CLASP1: variants seen among roughly 807,000 people sequenced by gnomAD.
The protein encoded by CLASP1 is cytoplasmic linker associated protein 1, also known as CLIP-associating protein 1.
Under a neutral mutation model 192.3 loss-of-function variants are expected in CLASP1, and 38 were observed. That is an observed-to-expected ratio of 0.20 (90% CI 0.15 to 0.26). The LOEUF is 0.26. Ranked by LOEUF, CLASP1 falls within the 10% of genes least tolerant of loss-of-function variation. The pLI, the probability that CLASP1 is intolerant of heterozygous loss-of-function variation, is 1.00. For synonymous variants in CLASP1, 691 were observed against 712.8 expected, an observed-to-expected ratio of 0.97 and a Z score of 0.49; for missense variants, 1,433 against 1,932.5, an observed-to-expected ratio of 0.74 and a Z score of 4.85.
intron 2 of CLASP1, among the ~76,000 whole-genome samples, chr2:121,554,050 TAA>T (rs74454324): frequency 2.9e-5 from 4 of 139,384 alleles, no homozygotes; most frequent in Admixed American, 7.2e-5. Context: ...GCCATCTCTT[TAA>T]AAAAAAAAAA....
intron 36 of CLASP1, 123 bp from the exon 38 acceptor site, chr2:121,363,423 T>C: frequency 9.5e-7 from 1 of 1,052,484 alleles, no homozygotes. Context: ...CGCAGAACCC[T>C]CTAAACAGAT....
chr2:121,434,768 T>A (rs567322253), intron 19 of CLASP1, among the ~76,000 whole-genome samples: 1 of 149,950 alleles, frequency 6.7e-6, no homozygotes, highest in South Asian at 2.1e-4. Context: ...GGCAGGTGGA[T>A]TACTTGAGGC....
In CLASP1 at chr2:121,530,216, C is replaced by T. The variant is rs1159153868; in HGVS notation, c.274+31G>A. The T allele has an allele frequency of 2.6e-6, 4 of 1,538,970 alleles. No homozygotes were observed. The East Asian group carries it at 7.4e-5, about 29-fold the overall frequency. On this transcript the variant is annotated intron_variant, in intron 3 of 39. Transcript: ENST00000263710. ...AGGGAAGGCTGGGGGTCTGAAGGGG[C>T]CGGGTCCGCTCCACAAGTGCCGCAG...
intron 2 of CLASP1, among the ~76,000 whole-genome samples, chr2:121,552,417 G>C (rs926229242): frequency 1.3e-5 from 2 of 152,062 alleles, no homozygotes; most frequent in African/African-American, 2.4e-5. Context: ...CTACAGAATG[G>C]GAGAAAATAT....
intron 30 of CLASP1, among the ~76,000 whole-genome samples, chr2:121,392,503 T>C (rs957991891): frequency 6.6e-6 from 1 of 152,220 alleles, no homozygotes; most frequent in African/African-American, 2.4e-5. Flanking sequence ...ACTCTTCCTG[T>C]GGCTGCAAGC....
At chr2:121,516,671 G>A (rs997569099) in intron 6 of CLASP1, among the ~76,000 whole-genome samples, 4 of 152,152 alleles carry the variant, frequency 2.6e-5, no homozygotes, top group African/African-American at 7.2e-5. Flanking sequence ...AATGACATGC[G>A]TTAATATAAG....
At chr2:121,533,539 T>C (rs2094955067) in intron 2 of CLASP1, among the ~76,000 whole-genome samples, 1 of 152,170 alleles carries the variant, frequency 6.6e-6, no homozygotes, top group Non-Finnish European at 1.5e-5. Flanking sequence ...ATTTCTGCTT[T>C]CTTCAGCCCT....
chr2:121,544,907 C>CTTTTTTTTTT (rs3078562), intron 2 of CLASP1, among the ~76,000 whole-genome samples: 11 of 122,866 alleles, frequency 9.0e-5, no homozygotes, highest in Non-Finnish European at 1.6e-4. Context: ...CTTTTCTTTT[C>CTTTTTTTTTT]TTTTTTTTTT....
intron 8 of CLASP1, among the ~76,000 whole-genome samples, chr2:121,476,344 G>C: frequency 6.6e-6 from 1 of 152,110 alleles, no homozygotes; most frequent in East Asian, 1.9e-4. Flanking sequence ...GCTGCATAGG[G>C]GAGATACCAA....
intron 19 of CLASP1, among the ~76,000 whole-genome samples, chr2:121,432,070 T>C (rs1285605275): frequency 6.6e-6 from 1 of 152,174 alleles, no homozygotes; most frequent in Admixed American, 6.5e-5. Context: ...AATGTGTCCA[T>C]ACCTACACGA....
intron 2 of CLASP1, among the ~76,000 whole-genome samples, chr2:121,603,574 T>C (rs567168520): frequency 1.3e-5 from 2 of 152,308 alleles, no homozygotes; most frequent in Middle Eastern, 3.4e-3. Flanking sequence ...ATCCCACTAG[T>C]GGGAATTTAT....
chr2:121,535,192 G>T (rs2095025224), intron 2 of CLASP1, among the ~76,000 whole-genome samples: 1 of 152,196 alleles, frequency 6.6e-6, no homozygotes, highest in African/African-American at 2.4e-5. Context: ...GCTGAGGTGG[G>T]AGGATCACTT....
rs918950293 is a variant in CLASP1, at chr2:121,391,050, T to C, written c.3124-3144A>G. Among the ~76,000 whole-genome samples, 4 of 152,180 alleles carry C rather than the reference T, an allele frequency of 2.6e-5. No homozygotes were observed. The East Asian group carries it at 7.7e-4, about 29-fold the overall frequency. ...GTTGACATAAACATGGCTATATCAC[T>C]GAGAAGGTAGTTAATCATAAAACAC... On this transcript the variant is annotated intron_variant, in intron 30 of 39. Coordinates refer to ENST00000263710, the Ensembl canonical transcript of CLASP1.
chr2:121,602,137 T>C (rs936434412), intron 2 of CLASP1, among the ~76,000 whole-genome samples: 1 of 149,300 alleles, frequency 6.7e-6, no homozygotes, highest in African/African-American at 2.5e-5. Flanking sequence ...ATTACGCCAC[T>C]GCACTCCAGC....
At chr2:121,358,399 A>C (rs2065798745) in intron 37 of CLASP1, among the ~76,000 whole-genome samples, 1 of 152,206 alleles carries the variant, frequency 6.6e-6, no homozygotes, top group Non-Finnish European at 1.5e-5. Context: ...TCCAGAGTTC[A>C]TGCAGTATAT....
rs145289396 is a variant in CLASP1, at chr2:121,580,021, G to C, written c.195+25680C>G. Among the ~76,000 whole-genome samples the C allele has an allele frequency of 2.0e-3, 311 of 152,246 alleles. 1 individual carries two copies. The highest frequency in any genetic ancestry group is 6.0e-3 in the African/African-American group (248 of 41,530). ...ACAGATTTTTATTTTTGTCTTTTTA[G>C]AGCAACCAGATTAAAATTTAAGGGA... On this transcript the variant is annotated intron_variant, in intron 2 of 39. Coordinates refer to ENST00000263710, the Ensembl canonical transcript of CLASP1.
At chr2:121,430,785 AAG>A (rs1267154895) in intron 19 of CLASP1, among the ~76,000 whole-genome samples, 3 of 152,156 alleles carry the variant, frequency 2.0e-5, no homozygotes, top group African/African-American at 7.2e-5. Context: ...TAAAGCTAAA[AAG>A]AGAGATACAG....
intron 23 of CLASP1, among the ~76,000 whole-genome samples, chr2:121,411,300 G>A (rs779329869): frequency 6.6e-6 from 1 of 152,184 alleles, no homozygotes; most frequent in Non-Finnish European, 1.5e-5. Flanking sequence ...CCCTGTAGAG[G>A]CAAGTGGCCT....
chr2:121,392,728 T>A (rs537892252), intron 30 of CLASP1, among the ~76,000 whole-genome samples: 9 of 152,364 alleles, frequency 5.9e-5, no homozygotes, highest in African/African-American at 2.2e-4. Context: ...TATATACTAT[T>A]ATCTTACATC....
Sources: allele counts gnomAD v4.1 joint callset (sites outside exome capture counted in the v4.1 genomes callset), GRCh38; gene constraint gnomAD v4.1.1; transcripts MANE v1.5; gene names NCBI Gene and HGNC (gene_info 2026-07-23, HGNC 2026-07-21).